The following PDZRN4 variants were observed in gnomAD, a reference collection of about 807,000 sequenced individuals.
The protein encoded by PDZRN4 is PDZ domain containing ring finger 4.
PDZRN4 carries 70 observed loss-of-function variants against 99.0 expected under a neutral mutation model. The ratio of observed to expected loss-of-function variants is 0.71; its 90% CI spans 0.58 to 0.86. The LOEUF (loss-of-function observed/expected upper bound fraction) is 0.86, where lower values mean the gene tolerates loss of function less well. Among genes scored for constraint, PDZRN4 ranks in the 40% least tolerant of loss-of-function variants. PDZRN4 has a pLI of 0.00. For synonymous variants in PDZRN4, 551 were observed against 501.6 expected (o/e 1.10, Z -1.32); for missense variants, 1,474 against 1,331.2 (o/e 1.11, Z -1.67).
chr12:41,204,938 A>C (rs2120675253), intron 3 of PDZRN4, among the ~76,000 whole-genome samples: 1 of 151,984 alleles, frequency 6.6e-6, no homozygotes, highest in East Asian at 1.9e-4. Flanking sequence ...ATGGTTTCTT[A>C]CCCACCATTT....
intron 3 of PDZRN4, among the ~76,000 whole-genome samples, chr12:41,287,570 G>T (rs1477732194): frequency 2.6e-5 from 4 of 152,222 alleles, no homozygotes; most frequent in Non-Finnish European, 1.5e-5. Flanking sequence ...ACTGCAAACT[G>T]CAGAGGAAGT....
intron 3 of PDZRN4, among the ~76,000 whole-genome samples, chr12:41,249,144 T>C (rs143458204): frequency 9.2e-5 from 14 of 152,224 alleles, no homozygotes; most frequent in East Asian, 3.9e-4. Context: ...CACACAGAGA[T>C]AGAGAATCAG....
intron 3 of PDZRN4, among the ~76,000 whole-genome samples, chr12:41,483,859 C>CAGT (rs1426422519): frequency 3.0e-4 from 46 of 152,180 alleles, no homozygotes; most frequent in African/African-American, 1.1e-3. Flanking sequence ...ATGCATAGTC[C>CAGT]AGTAGTACAC....
intron 3 of PDZRN4, among the ~76,000 whole-genome samples, chr12:41,233,012 T>A (rs1436855172): frequency 6.6e-6 from 1 of 152,148 alleles, no homozygotes; most frequent in Admixed American, 6.6e-5. Flanking sequence ...GGCTCTGTTC[T>A]GTTCCATTGG....
chr12:41,570,102 T>C (rs1280360333), intron 9 of PDZRN4, among the ~76,000 whole-genome samples: 2 of 152,132 alleles, frequency 1.3e-5, no homozygotes, highest in Non-Finnish European at 2.9e-5. Flanking sequence ...CGCTGCCTAC[T>C]CATCAGAGGT....
At chr12:41,248,250 C>G (rs954791007) in intron 3 of PDZRN4, among the ~76,000 whole-genome samples, 1 of 152,008 alleles carries the variant, frequency 6.6e-6, no homozygotes, top group Non-Finnish European at 1.5e-5. Context: ...AGAACAATAC[C>G]CAAAGTGTTA....
At chr12:41,480,749 G>T (rs1361039524) in intron 3 of PDZRN4, among the ~76,000 whole-genome samples, 1 of 151,994 alleles carries the variant, frequency 6.6e-6, no homozygotes, top group Non-Finnish European at 1.5e-5. Flanking sequence ...CAGAAAGCAA[G>T]ATAGGGGAGT....
intron 3 of PDZRN4, among the ~76,000 whole-genome samples, chr12:41,227,137 TAGTA>T (rs991903132): frequency 2.0e-5 from 3 of 152,062 alleles, no homozygotes; most frequent in African/African-American, 7.2e-5. Context: ...TTTTTACAGA[TAGTA>T]AGTAAAATAA....
intron 3 of PDZRN4, among the ~76,000 whole-genome samples, chr12:41,238,043 C>T (rs1424535284): frequency 6.6e-6 from 1 of 151,986 alleles, no homozygotes; most frequent in Non-Finnish European, 1.5e-5. Flanking sequence ...AACACTGACT[C>T]TATAGATTAC....
rs1176465942 is a variant in PDZRN4, at chr12:41,511,818, G to A, written c.1203+1905G>A. 2.6e-5 allele frequency among the ~76,000 whole-genome samples: 4 copies of A among 152,264 alleles called. 1 individual carries two copies. The South Asian group carries it at 8.3e-4, about 32-fold the overall frequency. ...TCCACTGCCATCATTGGAGCCTGTGGTGGACACCATTAGGCTCATTCAGTG... is the reference window on the plus strand; with the variant it reads ...TCCACTGCCATCATTGGAGCCTGTGATGGACACCATTAGGCTCATTCAGTG... On this transcript the variant is annotated intron_variant, in intron 5 of 9. Coordinates refer to ENST00000402685, the MANE Select transcript of PDZRN4 (RefSeq NM_001164595.2).
chr12:41,539,296 A>C (rs1938805602), intron 5 of PDZRN4, among the ~76,000 whole-genome samples: 1 of 152,006 alleles, frequency 6.6e-6, no homozygotes. Flanking sequence ...TTAAAATGGG[A>C]ATAAAACACT....
intron 3 of PDZRN4, among the ~76,000 whole-genome samples, chr12:41,327,572 G>T (rs555725783): frequency 6.6e-6 from 1 of 152,242 alleles, no homozygotes; most frequent in African/African-American, 2.4e-5. Context: ...TGAAGTAGAG[G>T]ATAAACAGCA....
intron 3 of PDZRN4, among the ~76,000 whole-genome samples, chr12:41,505,744 A>C (rs554838362): frequency 6.7e-6 from 1 of 150,250 alleles, no homozygotes; most frequent in Non-Finnish European, 1.5e-5. Context: ...AAATTAAAAC[A>C]AGTGAGTATC....
At chr12:41,477,918 A>G (rs773262214) in intron 3 of PDZRN4, 2 of 1,532,872 alleles carry the variant, frequency 1.3e-6, no homozygotes, top group South Asian at 1.2e-5. Context: ...TTGGCCATCC[A>G]CTGTAAGTAT....
chr12:41,303,993 A>G (rs557486264), intron 3 of PDZRN4, among the ~76,000 whole-genome samples: 11 of 152,306 alleles, frequency 7.2e-5, no homozygotes, highest in African/African-American at 2.6e-4. Context: ...TGCTCTAGGT[A>G]AGGAACACAG....
intron 3 of PDZRN4, among the ~76,000 whole-genome samples, chr12:41,195,377 A>G (rs2120646387): frequency 6.6e-6 from 1 of 152,290 alleles, no homozygotes; most frequent in African/African-American, 2.4e-5. Flanking sequence ...ATACTTATAT[A>G]AACTATCAGA....
intron 3 of PDZRN4, among the ~76,000 whole-genome samples, chr12:41,294,821 A>G (rs953476798): frequency 2.0e-5 from 3 of 152,198 alleles, no homozygotes; most frequent in Non-Finnish European, 4.4e-5. Context: ...ACAGAAAAAC[A>G]TAGAAGAACA....
chr12:41,402,958 A>G (rs1420537730), intron 3 of PDZRN4, among the ~76,000 whole-genome samples: 3 of 152,168 alleles, frequency 2.0e-5, no homozygotes, highest in East Asian at 1.9e-4. Context: ...GATATATTTC[A>G]TGATAACTTA....
intron 3 of PDZRN4, among the ~76,000 whole-genome samples, chr12:41,389,631 T>A (rs1482351656): frequency 6.6e-6 from 1 of 152,212 alleles, no homozygotes; most frequent in Non-Finnish European, 1.5e-5. Flanking sequence ...AGATGTAATA[T>A]TAGAAATGAA....
Sources: allele counts gnomAD v4.1 joint callset (sites outside exome capture counted in the v4.1 genomes callset), GRCh38; gene constraint gnomAD v4.1.1; transcripts MANE v1.5; gene names NCBI Gene and HGNC (gene_info 2026-07-23, HGNC 2026-07-21).